Variants in EDA observed in about 807,000 individuals in gnomAD.
The protein encoded by EDA is ectodysplasin A, also known as ectodysplasin-A.
A neutral mutation model predicts 23.6 loss-of-function variants in EDA; 2 were observed. The ratio of observed to expected loss-of-function variants is 0.08; its 90% CI spans 0.03 to 0.27. The LOEUF (loss-of-function observed/expected upper bound fraction) is 0.27. Ranked by LOEUF, EDA falls within the 10% of genes least tolerant of loss-of-function variation. EDA has a pLI of 1.00. For synonymous variants in EDA, 131 were observed against 132.0 expected, an observed-to-expected ratio of 0.99 and a Z score of 0.05; for missense variants, 229 against 324.2, an observed-to-expected ratio of 0.71 and a Z score of 2.26.
intron 1 of EDA, among the ~76,000 whole-genome samples, chrX:69,760,106 T>C (rs1351090448): frequency 2.9e-5 from 3 of 103,587 alleles, no homozygotes; most frequent in African/African-American, 1.1e-4. Flanking sequence ...GAAAGAACAG[T>C]CTAGTATGGT....
intron 2 of EDA, among the ~76,000 whole-genome samples, chrX:70,012,107 C>G (rs1256765120): frequency 9.0e-6 from 1 of 111,393 alleles, no homozygotes; most frequent in Non-Finnish European, 1.9e-5. Context: ...CAAAGCAGTC[C>G]CCCGTACTGC....
intron 1 of EDA, among the ~76,000 whole-genome samples, chrX:69,857,741 G>A (rs2017290964): frequency 9.9e-6 from 1 of 100,828 alleles, no homozygotes; most frequent in African/African-American, 3.7e-5. Flanking sequence ...TGAATTTTAG[G>A]ATTGTTTGTT....
intron 1 of EDA, among the ~76,000 whole-genome samples, chrX:69,866,627 A>G (rs1386323620): frequency 9.0e-6 from 1 of 111,332 alleles, no homozygotes; most frequent in East Asian, 2.8e-4. Flanking sequence ...GAGAAATAGT[A>G]CCATATATTG....
intron 2 of EDA, among the ~76,000 whole-genome samples, chrX:69,969,844 C>T (rs2019224290): frequency 9.0e-6 from 1 of 111,534 alleles, no homozygotes; most frequent in Non-Finnish European, 1.9e-5. Context: ...GTGGCTCACA[C>T]CTGTATTCCC....
intron 1 of EDA, among the ~76,000 whole-genome samples, chrX:69,886,116 C>T (rs1025018063): frequency 8.9e-6 from 1 of 111,947 alleles, no homozygotes; most frequent in African/African-American, 3.2e-5. Context: ...GCAATCCTTC[C>T]CACACAGGGA....
intron 1 of EDA, among the ~76,000 whole-genome samples, chrX:69,746,899 C>A (rs1233118790): frequency 9.0e-6 from 1 of 111,144 alleles, no homozygotes; most frequent in Non-Finnish European, 1.9e-5. Flanking sequence ...CCCAGTATAG[C>A]AATAGAGAAG....
intron 1 of EDA, among the ~76,000 whole-genome samples, chrX:69,844,168 G>A: frequency 9.0e-6 from 1 of 111,651 alleles, no homozygotes; most frequent in Non-Finnish European, 1.9e-5. Context: ...GCCTTTTATG[G>A]TTCTTAGGCA....
At chrX:69,950,382 C>T (rs1274608344) in intron 1 of EDA, among the ~76,000 whole-genome samples, 1 of 102,702 alleles carries the variant, frequency 9.7e-6, no homozygotes, top group African/African-American at 3.6e-5. Flanking sequence ...AAATCAAAAC[C>T]ACAATGACAT....
rs1030457490 is a variant in EDA, at chrX:70,035,302, C to T, written c.925-56C>T. The T allele has an allele frequency of 1.0e-5, 12 of 1,163,406 alleles. No individual in the cohort carries two copies. The South Asian group carries it at 2.2e-4, about 22-fold the overall frequency. The stretch of plus-strand genomic sequence containing the variant: ...TTCTGTCAATTCACCACAGGGAGGG[C>T]CCCCCACCCTCTCTTTCCTCTCTTC... On this transcript the variant is annotated intron_variant, in intron 7 of 7. Transcript: ENST00000374552.
chrX:69,619,570 C>T (rs1191990697), intron 1 of EDA, among the ~76,000 whole-genome samples: 1 of 112,092 alleles, frequency 8.9e-6, no homozygotes, highest in Non-Finnish European at 1.9e-5. Flanking sequence ...CTGGTGGGGA[C>T]ACACTTGCTG....
intron 1 of EDA, among the ~76,000 whole-genome samples, chrX:69,708,337 C>T (rs761832647): frequency 1.2e-4 from 13 of 111,363 alleles, no homozygotes; most frequent in Middle Eastern, 4.6e-3. Context: ...TGCAGTTGAC[C>T]GAAGCTTGGC....
At chrX:69,799,759 G>A (rs2015633454) in intron 1 of EDA, among the ~76,000 whole-genome samples, 2 of 105,171 alleles carry the variant, frequency 1.9e-5, no homozygotes, top group Non-Finnish European at 3.9e-5. Flanking sequence ...TTTATCCACT[G>A]TTGGTAGGAG....
At chrX:70,022,768 A>G (rs897154683) in intron 2 of EDA, 2 of 115,372 alleles carry the variant, frequency 1.7e-5, no homozygotes, top group Non-Finnish European at 3.7e-5. Flanking sequence ...ACTAAAAGTT[A>G]AACACTGCTG....
intron 1 of EDA, among the ~76,000 whole-genome samples, chrX:69,827,297 T>C (rs1159656303): frequency 2.7e-5 from 3 of 112,384 alleles, no homozygotes; most frequent in Non-Finnish European, 3.8e-5. Flanking sequence ...CAGACTGTTT[T>C]CCAACTTGGT....
chrX:70,030,671 G>T, intron 6 of EDA, 151 bp downstream of exon 6: 1 of 537,646 alleles, frequency 1.9e-6, no homozygotes, highest in Non-Finnish European at 3.1e-6. Context: ...CCCTCTACTG[G>T]CTGTCCTGAG....
chrX:70,018,754 T>C (rs1254276578), intron 2 of EDA, among the ~76,000 whole-genome samples: 1 of 111,017 alleles, frequency 9.0e-6, no homozygotes, highest in Non-Finnish European at 1.9e-5. Context: ...ATCTAGGAAA[T>C]ACCATTCTAG....
At chrX:69,681,872 T>C (rs28890291) in intron 1 of EDA, among the ~76,000 whole-genome samples, 4,860 of 111,634 alleles carry the variant, frequency 0.044, 149 homozygotes, top group East Asian at 0.16. Context: ...TGAGGAACTG[T>C]GTTCCTTTGG....
chrX:69,694,209 T>C (rs1470288916), intron 1 of EDA, among the ~76,000 whole-genome samples: 3 of 112,156 alleles, frequency 2.7e-5, no homozygotes, highest in African/African-American at 9.7e-5. Flanking sequence ...ATGCTTAATA[T>C]TGAATTTATA....
Position 69,808,518 on chromosome X carries a change from C to T in EDA, c.397-148509C>T, listed in dbSNP as rs890998934. Among the ~76,000 whole-genome samples, 5 of 111,678 alleles carry T rather than the reference C, an allele frequency of 4.5e-5. 1 individual carries two copies. Among genetic ancestry groups the T allele is most frequent in the African/African-American group, 9.8e-5 (3 of 30,767 alleles). On this transcript the variant is annotated intron_variant, in intron 1 of 7. Coordinates refer to ENST00000374552, the MANE Select transcript of EDA (RefSeq NM_001399.5). Reference sequence around the variant, plus strand: ...AACTCAGTGTTTAGGTCAACTGATACTGCATGACTCAAAGCCTCCAACCTA... The same window carrying T: ...AACTCAGTGTTTAGGTCAACTGATATTGCATGACTCAAAGCCTCCAACCTA...
Sources: allele counts gnomAD v4.1 joint callset (sites outside exome capture counted in the v4.1 genomes callset), GRCh38; gene constraint gnomAD v4.1.1; transcripts MANE v1.5; gene names NCBI Gene and HGNC (gene_info 2026-07-23, HGNC 2026-07-21).